ATP7B: variants seen among roughly 807,000 people sequenced by gnomAD.
ATP7B encodes the protein copper-transporting ATPase 2.
ATP7B carries 113 observed loss-of-function variants against 118.9 expected under a neutral mutation model. That is an observed-to-expected ratio of 0.95 (90% CI 0.82 to 1.11). The LOEUF is 1.11. Ranked by LOEUF, ATP7B falls within the 50% of genes most tolerant of loss-of-function variation. The pLI is 0.00. For synonymous variants in ATP7B, 777 were observed against 727.4 expected, an observed-to-expected ratio of 1.07 and a Z score of -1.10; for missense variants, 1,867 against 1,871.4, an observed-to-expected ratio of 1.00 and a Z score of 0.04.
chr13:51,935,105 C>CCT, intron 20 of ATP7B, 76 bp from the exon 21 acceptor site: 1 of 1,550,858 alleles, frequency 6.4e-7, no homozygotes, highest in Non-Finnish European at 8.8e-7. Context: ...CTGGTGAAGG[C>CCT]CTCTCATCCA....
intron 1 of ATP7B, among the ~76,000 whole-genome samples, chr13:52,002,586 G>A (rs1248132596): frequency 6.8e-6 from 1 of 146,478 alleles, no homozygotes; most frequent in Non-Finnish European, 1.5e-5. Flanking sequence ...AGGGGAGAGG[G>A]GAGGGGAGGG....
At position 51,932,976 on chromosome 13, in the gene ATP7B, G is replaced by C. The variant is rs1956783848; in HGVS notation, c.*1780C>G. ...GGAAATGTGCTGCGGGCTGGAGTGGGGGGGCTGAAAACAAGGAAAACACAA... is the reference window on the plus strand; with the variant it reads ...GGAAATGTGCTGCGGGCTGGAGTGGCGGGGCTGAAAACAAGGAAAACACAA... On this transcript the variant is annotated 3_prime_UTR_variant, in exon 21 of 21. Transcript: ENST00000242839. 6.6e-6 allele frequency: 1 copy of C among 152,142 alleles called. No individual in the cohort carries two copies. The highest frequency in any genetic ancestry group is 1.5e-5 in the Non-Finnish European group (1 of 68,038). 9.4% of individuals were successfully genotyped at this position (152,142 alleles called of 1,614,324 possible).
intron 13 of ATP7B, among the ~76,000 whole-genome samples, chr13:51,945,508 G>T (rs776838123): frequency 6.6e-6 from 1 of 152,140 alleles, no homozygotes; most frequent in Non-Finnish European, 1.5e-5. Context: ...TAAGGTCTCA[G>T]ATGAACGTTC....
chr13:51,960,076 C>T (rs1958628819), intron 7 of ATP7B, 72 bp downstream of exon 7: 1 of 1,554,510 alleles, frequency 6.4e-7, no homozygotes, highest in Admixed American at 1.7e-5. Flanking sequence ...TATGTTTGCG[C>T]TTAGCGGGCA....
At chr13:51,967,062 A>G (rs1229222587) in intron 4 of ATP7B, 4 of 1,606,104 alleles carry the variant, frequency 2.5e-6, no homozygotes, top group Non-Finnish European at 3.4e-6. Context: ...AAAGCACAAT[A>G]ACAAGAAAAT....
intron 8 of ATP7B, 144 bp downstream of exon 8, chr13:51,958,167 C>T: frequency 3.3e-6 from 3 of 915,954 alleles, no homozygotes; most frequent in Non-Finnish European, 3.3e-6. Flanking sequence ...GTGACTAGAG[C>T]ACCTTAATTA....
At chr13:51,958,107 A>G (rs1958471995) in intron 8 of ATP7B, 1 of 628,220 alleles carries the variant, frequency 1.6e-6, no homozygotes, top group Non-Finnish European at 2.7e-6. Flanking sequence ...GGTTTTAATA[A>G]TTAACCAGAT....
intron 15 of ATP7B, among the ~76,000 whole-genome samples, 170 bp downstream of exon 15, chr13:51,942,216 G>A (rs1394357971): frequency 6.6e-6 from 1 of 152,156 alleles, no homozygotes; most frequent in Non-Finnish European, 1.5e-5. Flanking sequence ...AAATTTAGAC[G>A]CACCCAAGAA....
At chr13:51,993,963 T>C (rs1261762531) in intron 1 of ATP7B, among the ~76,000 whole-genome samples, 2 of 152,170 alleles carry the variant, frequency 1.3e-5, no homozygotes, top group African/African-American at 4.8e-5. Context: ...TAGTCACAGA[T>C]TGGTGCTGGC....
At chr13:51,955,613 G>T (rs1308843241) in intron 9 of ATP7B, among the ~76,000 whole-genome samples, 1 of 152,218 alleles carries the variant, frequency 6.6e-6, no homozygotes, top group Non-Finnish European at 1.5e-5. Flanking sequence ...CCCTGGAATA[G>T]TTCCAAGCAA....
intron 1 of ATP7B, among the ~76,000 whole-genome samples, chr13:51,993,171 G>A (rs899343338): frequency 1.3e-5 from 2 of 151,976 alleles, no homozygotes; most frequent in African/African-American, 4.8e-5. Context: ...TATTTGTTGG[G>A]AAAACGACTG....
intron 6 of ATP7B, among the ~76,000 whole-genome samples, chr13:51,960,782 T>C (rs545631732): frequency 1.3e-5 from 2 of 152,208 alleles, no homozygotes; most frequent in Non-Finnish European, 2.9e-5. Context: ...TTATTTAAAA[T>C]AGAGTCCATG....
chr13:51,965,042 C>T lies in ATP7B; in HGVS notation c.1708-9G>A, dbSNP rs775914496. On this transcript the variant is annotated splice_polypyrimidine_tract_variant and intron_variant, in intron 4 of 20. Transcript: ENST00000242839. Reference sequence around the variant, plus strand: ...CAGGTCATCCCTGTGATCTGCAACACAGGATGGCAAGAATCCCACAGACCC... The same window carrying T: ...CAGGTCATCCCTGTGATCTGCAACATAGGATGGCAAGAATCCCACAGACCC... 1 of 1,613,980 alleles carries T rather than the reference C, an allele frequency of 6.2e-7. No individual in the cohort carries two copies. The highest frequency in any genetic ancestry group is 2.2e-5 in the East Asian group (1 of 44,882).
At chr13:52,011,949 G>C (rs1461934717), upstream of ATP7B, 1 of 300,106 alleles carries the variant, frequency 3.3e-6, no homozygotes, top group African/African-American at 2.3e-5. Context: ...CCCCCTCCTC[G>C]GACTCTGCGC....
At chr13:51,937,707 T>C (rs772954309) in intron 17 of ATP7B, 28 bp from the exon 18 acceptor site, 23 of 1,611,966 alleles carry the variant, frequency 1.4e-5, no homozygotes, top group Non-Finnish European at 1.9e-5. Context: ...CAATGCCTAG[T>C]GTTGGCAAAA....
At chr13:51,953,766 C>G (rs9535803) in intron 9 of ATP7B, among the ~76,000 whole-genome samples, 1 of 143,482 alleles carries the variant, frequency 7.0e-6, no homozygotes, top group Admixed American at 7.4e-5. Flanking sequence ...CCTCATTAAA[C>G]ACAAGTTAAG....
chr13:51,958,476 G>A lies in ATP7B; in HGVS notation c.2190C>T (p.Asp730=), dbSNP rs550565277. The A allele has an allele frequency of 4.8e-5, 78 of 1,614,232 alleles. No homozygotes were observed. In the East Asian group the frequency reaches 7.4e-4, roughly 15 times the overall value. ...TGCTTGTGGCCAGGACGATGAGCAC[G>A]TCCATGTTGGCTGACCTGTGTCTCA... ...KSLRHRSANM[D]VLIVLATSIA... is the part of the protein sequence containing the mutation. Residue 730 remains aspartate, a synonymous_variant, in exon 8 of 21, where the codon GAC becomes GAT. Transcript: ENST00000242839.
chr13:51,995,454 G>T, intron 1 of ATP7B: 1 of 535,212 alleles, frequency 1.9e-6, no homozygotes, highest in Non-Finnish European at 2.4e-6. Context: ...AAGGACCACT[G>T]CTTGTGGACA....
rs754802731 is a variant in ATP7B, at chr13:51,950,165, GA to G, written c.2576-5del. On this transcript the variant is annotated splice_region_variant and splice_polypyrimidine_tract_variant and intron_variant, in intron 10 of 20. Transcript: ENST00000242839. ...TTAGTGACTGGCATGGCTTCTCCTAGACGTAGGAAAGAGACAACTGTCACTT... is the reference window on the plus strand; with the variant it reads ...TTAGTGACTGGCATGGCTTCTCCTAGCGTAGGAAAGAGACAACTGTCACTT... 1.1e-5 allele frequency: 18 copies of G among 1,614,126 alleles called. No homozygotes were observed. The South Asian group carries it at 2.0e-4, about 18-fold the overall frequency.
Sources: allele counts gnomAD v4.1 joint callset (sites outside exome capture counted in the v4.1 genomes callset), GRCh38; gene constraint gnomAD v4.1.1; transcripts MANE v1.5; gene names NCBI Gene and HGNC (gene_info 2026-07-23, HGNC 2026-07-21).